Variants in PNLIPRP3 observed in about 807,000 individuals in gnomAD.
PNLIPRP3 encodes the protein pancreatic lipase-related protein 3.
A neutral mutation model predicts 52.8 loss-of-function variants in PNLIPRP3; 58 were observed. That is an observed-to-expected ratio of 1.10 (90% CI 0.89 to 1.37). PNLIPRP3 has a LOEUF of 1.37. Ranked by LOEUF, PNLIPRP3 falls within the 40% of genes most tolerant of loss-of-function variation. PNLIPRP3 has a pLI of 0.00. For synonymous variants in PNLIPRP3, 192 were observed against 185.0 expected (o/e 1.04, Z -0.31); for missense variants, 593 against 561.6 (o/e 1.06, Z -0.57).
In PNLIPRP3 at chr10:116,466,237, C is replaced by T; in HGVS notation, c.927+69C>T. The T allele has an allele frequency of 4.2e-6, 5 of 1,180,192 alleles. No homozygotes were observed. In the South Asian group the frequency reaches 5.5e-5, roughly 13 times the overall value. 73.1% of individuals were successfully genotyped at this position (1,180,192 alleles called of 1,614,324 possible). ...TTTGAAACACAATCATCCAGCTAAACATTAGGGCTTTGTGTAGGTAGCAAA... is the reference window on the plus strand; with the variant it reads ...TTTGAAACACAATCATCCAGCTAAATATTAGGGCTTTGTGTAGGTAGCAAA... On this transcript the variant is annotated intron_variant, in intron 8 of 11. Transcript: ENST00000369230.
chr10:116,471,271 C>G (rs1180635819), intron 9 of PNLIPRP3, among the ~76,000 whole-genome samples: 2 of 152,180 alleles, frequency 1.3e-5, no homozygotes, highest in African/African-American at 4.8e-5. Flanking sequence ...ACTGGGCATT[C>G]TTAGCACATA....
At chr10:116,470,793 G>GC (rs1323126433) in intron 9 of PNLIPRP3, among the ~76,000 whole-genome samples, 1 of 152,074 alleles carries the variant, frequency 6.6e-6, no homozygotes. Context: ...CAGGCGTGAG[G>GC]CCCCGAGCCC....
intron 1 of PNLIPRP3, among the ~76,000 whole-genome samples, 193 bp from the exon 2 acceptor site, chr10:116,436,518 G>A (rs1845775792): frequency 6.6e-6 from 1 of 152,100 alleles, no homozygotes; most frequent in Non-Finnish European, 1.5e-5. Context: ...AAACAAAAAA[G>A]CTTCTGCACA....
At chr10:116,437,921 G>T (rs1845800608) in intron 2 of PNLIPRP3, among the ~76,000 whole-genome samples, 1 of 152,148 alleles carries the variant, frequency 6.6e-6, no homozygotes, top group African/African-American at 2.4e-5. Flanking sequence ...ATTTGACAAT[G>T]TTAAATAGAA....
Position 116,476,821 on chromosome 10 carries a change from T to C in PNLIPRP3, c.1340+2T>C, listed in dbSNP as rs1446233232. ...TACATCTGGGAAATATGGATATAAGTAAGTATTGCTTTTTCCTTTTCATTT... is the reference window on the plus strand; with the variant it reads ...TACATCTGGGAAATATGGATATAAGCAAGTATTGCTTTTTCCTTTTCATTT... On this transcript the variant is annotated splice_donor_variant, in intron 11 of 11. Transcript: ENST00000369230. LOFTEE classifies it high-confidence loss of function. 1 of 1,580,950 alleles carries C rather than the reference T, an allele frequency of 6.3e-7. No homozygotes were observed. Among genetic ancestry groups the C allele is most frequent in the East Asian group, 2.3e-5 (1 of 44,426 alleles).
At chr10:116,432,253 G>A (rs1327211827) in intron 1 of PNLIPRP3, among the ~76,000 whole-genome samples, 2 of 152,150 alleles carry the variant, frequency 1.3e-5, no homozygotes, top group Non-Finnish European at 2.9e-5. Context: ...CTTTGGAAAA[G>A]CCTGCTCACA....
intron 10 of PNLIPRP3, among the ~76,000 whole-genome samples, chr10:116,474,014 G>A (rs1258696442): frequency 2.7e-5 from 4 of 149,720 alleles, no homozygotes; most frequent in Non-Finnish European, 4.4e-5. Context: ...AACAAAGCTG[G>A]AGGCATCATG....
At chr10:116,467,036 C>T (rs922471177) in intron 8 of PNLIPRP3, among the ~76,000 whole-genome samples, 6 of 152,160 alleles carry the variant, frequency 3.9e-5, no homozygotes, top group Non-Finnish European at 8.8e-5. Context: ...TGAGCACCCA[C>T]GGGATCCTGG....
intron 4 of PNLIPRP3, 151 bp downstream of exon 4, chr10:116,444,664 GAA>G (rs1250395984): frequency 1.7e-5 from 13 of 771,134 alleles, no homozygotes; most frequent in East Asian, 5.4e-5. Flanking sequence ...GACAAAAAAG[GAA>G]AAGTTTCTTC....
At chr10:116,453,015 A>G (rs1050005194) in intron 4 of PNLIPRP3, among the ~76,000 whole-genome samples, 2 of 152,178 alleles carry the variant, frequency 1.3e-5, no homozygotes, top group Non-Finnish European at 2.9e-5. Flanking sequence ...TGATTATAAA[A>G]ACTGGCAGGC....
Position 116,469,192 on chromosome 10 carries a change from G to A in PNLIPRP3, c.935G>A (p.Cys312Tyr), listed in dbSNP as rs772723964. 1 of 1,609,998 alleles carries A rather than the reference G, an allele frequency of 6.2e-7. No homozygotes were observed. Among genetic ancestry groups the A allele is most frequent in the Non-Finnish European group, 8.5e-7 (1 of 1,178,882 alleles). The stretch of plus-strand genomic sequence containing the variant: ...TTCATTTTCTGTCATCAGGGAAATT[G>A]CTTCTTTTGTTCCAAAGAAGGTTGC... ...RSYTSFKAGN[C>Y]FFCSKEGCPT... is the part of the protein sequence containing the mutation. The change falls in exon 9 of 12, where the codon TGC becomes TAC. Residue 312 changes from cysteine (C) to tyrosine (Y), a missense_variant. Coordinates refer to ENST00000369230, the MANE Select transcript of PNLIPRP3 (RefSeq NM_001011709.3).
intron 4 of PNLIPRP3, among the ~76,000 whole-genome samples, chr10:116,455,160 C>T (rs1846093559): frequency 6.6e-6 from 1 of 152,178 alleles, no homozygotes; most frequent in Non-Finnish European, 1.5e-5. Context: ...AATCTGTTGG[C>T]CATTTGTATG....
At position 116,443,146 on chromosome 10, in the gene PNLIPRP3, A is replaced by T; in HGVS notation, c.296A>T (p.Asp99Val). The change falls in exon 3 of 12, where the codon GAT becomes GTT. Residue 99 changes from aspartate to valine, a missense_variant. By Grantham distance (152) the Asp-to-Val change is radical. Coordinates refer to ENST00000369230, the MANE Select transcript of PNLIPRP3 (RefSeq NM_001011709.3). ...TRINIAGWKT[D>V]GKWQRDMCNV... is the part of the protein sequence containing the mutation. ...ATCAACATAGCTGGATGGAAAACAG[A>T]TGGCAAATGGCAGAGAGACATGTGC... The T allele has an allele frequency of 6.2e-7, 1 of 1,611,104 alleles. No individual in the cohort carries two copies. Among genetic ancestry groups the T allele is most frequent in the Non-Finnish European group, 8.5e-7 (1 of 1,178,232 alleles).
chr10:116,476,146 T>G (rs919588765), intron 10 of PNLIPRP3, among the ~76,000 whole-genome samples: 6 of 152,196 alleles, frequency 3.9e-5, no homozygotes, highest in African/African-American at 1.4e-4. Context: ...CAACAAAATG[T>G]CTTTTGATCA....
chr10:116,429,921 A>G (rs1424632749), intron 1 of PNLIPRP3, among the ~76,000 whole-genome samples: 1 of 152,180 alleles, frequency 6.6e-6, no homozygotes, highest in East Asian at 1.9e-4. Context: ...GTGAAGTGGT[A>G]GGAAACCTAG....
intron 4 of PNLIPRP3, among the ~76,000 whole-genome samples, chr10:116,448,362 C>T (rs1845986812): frequency 6.6e-6 from 1 of 152,070 alleles, no homozygotes; most frequent in Non-Finnish European, 1.5e-5. Context: ...CACTATTATA[C>T]TATTATAAGA....
intron 4 of PNLIPRP3, among the ~76,000 whole-genome samples, chr10:116,445,206 G>A (rs1845927006): frequency 6.6e-6 from 1 of 152,200 alleles, no homozygotes; most frequent in Non-Finnish European, 1.5e-5. Context: ...GTAAGACAGT[G>A]TTTCTGCTCT....
At chr10:116,428,748 A>T (rs921740216) in intron 1 of PNLIPRP3, among the ~76,000 whole-genome samples, 1 of 152,184 alleles carries the variant, frequency 6.6e-6, no homozygotes, top group Non-Finnish European at 1.5e-5. Context: ...AAACATTAAA[A>T]TTAGTTGATT....
rs1334036160 is a variant in PNLIPRP3, at chr10:116,477,114, T to G, written c.1365T>G (p.Ile455Met). The stretch of plus-strand genomic sequence containing the variant: ...GATCTACCTTCTGTAGCCAAGACAT[T>G]ATGGGACCTAATATTCTCCAGAACC... ...GYKSTFCSQD[I>M]MGPNILQNLK... Residue 455 changes from isoleucine (I) to methionine (M), a missense_variant, in exon 12 of 12, where the codon ATT becomes ATG. Ile to Met is a conservative substitution (Grantham distance 10). Transcript: ENST00000369230. The G allele has an allele frequency of 1.9e-5, 30 of 1,598,588 alleles. No homozygotes were observed. The highest frequency in any genetic ancestry group is 2.6e-5 in the Non-Finnish European group (30 of 1,169,398).
Sources: allele counts gnomAD v4.1 joint callset (sites outside exome capture counted in the v4.1 genomes callset), GRCh38; gene constraint gnomAD v4.1.1; transcripts MANE v1.5; gene names NCBI Gene and HGNC (gene_info 2026-07-23, HGNC 2026-07-21).